BEND7: variants seen among roughly 807,000 people sequenced by gnomAD.
BEND7 encodes the protein BEN domain containing 7.
BEND7 carries 28 observed loss-of-function variants against 50.9 expected under a neutral mutation model. The ratio of observed to expected loss-of-function variants is 0.55; its 90% confidence interval spans 0.41 to 0.75. The LOEUF is 0.75. Among genes scored for constraint, BEND7 ranks in the 30% least tolerant of loss-of-function variants. The pLI is 0.00. For missense variants in BEND7, 477 were observed against 491.3 expected, an observed-to-expected ratio of 0.97 and a Z score of 0.28; for synonymous variants, 170 against 183.9, an observed-to-expected ratio of 0.92 and a Z score of 0.61.
At chr10:13,485,647 C>T (rs1313260661) in intron 5 of BEND7, among the ~76,000 whole-genome samples, 2 of 152,200 alleles carry the variant, frequency 1.3e-5, no homozygotes, top group Non-Finnish European at 2.9e-5. Flanking sequence ...CCACTATATA[C>T]AATGATCTTT....
chr10:13,500,361 T>C (rs748513325), intron 2 of BEND7: 6 of 480,270 alleles, frequency 1.2e-5, no homozygotes, highest in Non-Finnish European at 1.6e-5. Context: ...TGACATTCCC[T>C]CTTTGGAAGC....
At chr10:13,442,439 A>G (rs1835467839) in intron 8 of BEND7, 1 of 152,254 alleles carries the variant, frequency 6.6e-6, no homozygotes, top group Non-Finnish European at 1.5e-5. Flanking sequence ...CAGTGTTTTA[A>G]ATTCACCATC....
At position 13,511,798 on chromosome 10, in the gene BEND7, G is replaced by A. The variant is rs543515755; in HGVS notation, c.146-11718C>T. 6.8e-4 allele frequency among the ~76,000 whole-genome samples: 104 copies of A among 152,274 alleles called. 1 individual carries two copies. The highest frequency in any genetic ancestry group is 2.0e-3 in the African/African-American group (82 of 41,558). On this transcript the variant is annotated intron_variant, in intron 2 of 8. Transcript: ENST00000466271. ...CAAGCTAAGAGGTTCGAGCACTGGC[G>A]TATACATTTTACCCAGGAGATGCAG...
At chr10:13,483,919 C>T (rs1031050070) in intron 5 of BEND7, among the ~76,000 whole-genome samples, 2 of 152,060 alleles carry the variant, frequency 1.3e-5, no homozygotes, top group Non-Finnish European at 2.9e-5. Flanking sequence ...CAGGTACAGC[C>T]GCTGTTTCTG....
chr10:13,492,622 G>A lies in BEND7; in HGVS notation c.826C>T (p.Pro276Ser). The A allele has an allele frequency of 6.2e-7, 1 of 1,613,696 alleles. No individual in the cohort carries two copies. The highest frequency in any genetic ancestry group is 8.5e-7 in the Non-Finnish European group (1 of 1,179,914). Residue 276 changes from proline to serine, a missense_variant, in exon 5 of 9, where the codon CCT becomes TCT. Pro to Ser is a moderately conservative substitution (Grantham distance 74). Coordinates refer to ENST00000466271, the MANE Select transcript of BEND7 (RefSeq NM_001369863.1). ...AAATGGCAACTTACATCTGAGGAAGGTGATTCCAGAACAATGCCGAATCCT... is the reference window on the plus strand; with the variant it reads ...AAATGGCAACTTACATCTGAGGAAGATGATTCCAGAACAATGCCGAATCCT... Reference protein sequence around the residue: ...VLGFGIVLESPSSDPEVQLAE... With the variant: ...VLGFGIVLESSSSDPEVQLAE...
intron 3 of BEND7, among the ~76,000 whole-genome samples, chr10:13,497,539 T>C (rs898110695): frequency 1.3e-5 from 2 of 152,208 alleles, no homozygotes; most frequent in African/African-American, 4.8e-5. Context: ...AGAAAATCTC[T>C]CTACCTCTTT....
intron 5 of BEND7, among the ~76,000 whole-genome samples, chr10:13,483,608 T>C (rs573116469): frequency 7.4e-4 from 113 of 152,366 alleles, no homozygotes; most frequent in African/African-American, 1.9e-3. Context: ...TAACAGTTCA[T>C]GTGGTACCTC....
chr10:13,497,067 TC>T, intron 3 of BEND7, 179 bp from the exon 4 acceptor site: 1 of 739,528 alleles, frequency 1.4e-6, no homozygotes, highest in Non-Finnish European at 2.0e-6. Flanking sequence ...AATCTGGGGG[TC>T]TGACTTTATC....
chr10:13,447,785 T>C (rs1282633099), intron 7 of BEND7, among the ~76,000 whole-genome samples: 1 of 152,096 alleles, frequency 6.6e-6, no homozygotes, highest in Non-Finnish European at 1.5e-5. Context: ...CCTCATGATA[T>C]TAAAACTTTT....
intron 1 of BEND7, 71 bp downstream of exon 1, chr10:13,528,399 CCAG>C: frequency 8.1e-6 from 6 of 742,564 alleles, no homozygotes; most frequent in Non-Finnish European, 9.8e-6. Context: ...GGCGCGCCCC[CCAG>C]CGTGGACCCC....
chr10:13,491,502 T>C (rs917050089), intron 5 of BEND7, among the ~76,000 whole-genome samples: 3 of 152,002 alleles, frequency 2.0e-5, no homozygotes, highest in Non-Finnish European at 4.4e-5. Context: ...TCATTAATGA[T>C]GTTTTAAAAT....
At position 13,447,314 on chromosome 10, in the gene BEND7, T is replaced by A. The variant is rs769285677; in HGVS notation, c.1186A>T (p.Ile396Phe). ...TCCAGTCTTTCATCACTGTCCGCGA[T>A]CTCTGCTGGTTACAAACATAAGACA... ...ARRRLKRGSE[I>F]ADSDERLDGI... Residue 396 changes from isoleucine to phenylalanine, a missense_variant and splice_region_variant, in exon 8 of 9, where the codon ATC becomes TTC. Around this residue, in one of 3 missense-constraint regions of BEND7, gnomAD observed 64 missense variants for 68.5 expected, o/e 0.93. Transcript: ENST00000466271. 18 of 1,614,172 alleles carry A rather than the reference T, an allele frequency of 1.1e-5. No individual in the cohort carries two copies. Among genetic ancestry groups the A allele is most frequent in the Non-Finnish European group, 1.5e-5 (18 of 1,180,012 alleles).
chr10:13,518,837 C>T (rs927366468), intron 2 of BEND7, among the ~76,000 whole-genome samples: 4 of 152,212 alleles, frequency 2.6e-5, no homozygotes, highest in Admixed American at 2.6e-4. Flanking sequence ...GTCCTAACGA[C>T]AGTGTCCAAT....
Position 13,461,732 on chromosome 10 carries a change from T to TAA in BEND7, c.1064-9076_1064-9075dup, listed in dbSNP as rs58348419. Among the ~76,000 whole-genome samples the TAA allele has an allele frequency of 5.5e-4, 81 of 147,252 alleles. 3 individuals are homozygous for TAA. Among genetic ancestry groups the TAA allele is most frequent in the South Asian group, 1.7e-3 (8 of 4,632 alleles). ...TGGGAGACAGAGCGAGACTCCATCT[T>TAA]AAAAAAAAAAAAATGAAATGCTTGG... On this transcript the variant is annotated intron_variant, in intron 6 of 8. Coordinates refer to ENST00000466271, the MANE Select transcript of BEND7 (RefSeq NM_001369863.1).
intron 3 of BEND7, 132 bp from the exon 4 acceptor site, chr10:13,497,020 G>A: frequency 8.5e-7 from 1 of 1,171,100 alleles, no homozygotes; most frequent in Admixed American, 3.2e-5. Context: ...ATGAAGCTGT[G>A]CCTAAGGAAA....
intron 2 of BEND7, among the ~76,000 whole-genome samples, chr10:13,504,316 A>C (rs2077709253): frequency 6.6e-6 from 1 of 152,128 alleles, no homozygotes; most frequent in South Asian, 2.1e-4. Flanking sequence ...AAGCCACTGA[A>C]TATTCTCTGG....
intron 6 of BEND7, among the ~76,000 whole-genome samples, chr10:13,469,676 C>T (rs965001546): frequency 6.6e-6 from 1 of 152,110 alleles, no homozygotes; most frequent in Non-Finnish European, 1.5e-5. Context: ...GGAGTTTCAC[C>T]ATGTTGGCCA....
intron 2 of BEND7, 63 bp from the exon 3 acceptor site, chr10:13,500,143 CA>C (rs2077336427): frequency 5.4e-6 from 7 of 1,292,444 alleles, no homozygotes; most frequent in African/African-American, 1.5e-5. Flanking sequence ...GTTCACTAAC[CA>C]AAAAGAAGAG....
chr10:13,493,789 T>G (rs1472028361), intron 4 of BEND7, among the ~76,000 whole-genome samples: 1 of 152,220 alleles, frequency 6.6e-6, no homozygotes, highest in Non-Finnish European at 1.5e-5. Context: ...ATGGCATCAT[T>G]GTTTAAATCC....
Sources: gnomAD v4.1 joint callset for allele counts (sites outside exome capture counted in the v4.1 genomes callset) on GRCh38, gnomAD v4.1.1 for gene constraint, gnomAD v4.1.1 regional missense constraint, MANE v1.5 for transcripts, NCBI Gene and HGNC (gene_info 2026-07-23, HGNC 2026-07-21) for gene names.